Variants in PDE3A observed in about 807,000 individuals in gnomAD.
The protein encoded by PDE3A is phosphodiesterase 3A.
PDE3A carries 43 observed loss-of-function variants against 98.3 expected under a neutral mutation model. The observed-to-expected ratio is 0.44, with a 90% CI of 0.34 to 0.56. PDE3A has a LOEUF of 0.56. PDE3A is among the 20% of genes least tolerant of loss of function. The pLI is 0.01. For missense variants in PDE3A, 1,427 were observed against 1,440.7 expected, an observed-to-expected ratio of 0.99 and a Z score of 0.15; for synonymous variants, 663 against 567.9, an observed-to-expected ratio of 1.17 and a Z score of -2.38.
At chr12:20,385,844 C>T (rs912406502) in intron 1 of PDE3A, among the ~76,000 whole-genome samples, 19 of 147,898 alleles carry the variant, frequency 1.3e-4, no homozygotes, top group Non-Finnish European at 2.4e-4. Flanking sequence ...ATGTAAATGA[C>T]GAGTTAATGG....
intron 2 of PDE3A, among the ~76,000 whole-genome samples, chr12:20,569,480 A>G (rs1942743327): frequency 6.6e-6 from 1 of 152,172 alleles, no homozygotes; most frequent in African/African-American, 2.4e-5. Context: ...TCGCAGCAGA[A>G]TAGTTTTTGC....
intron 2 of PDE3A, among the ~76,000 whole-genome samples, chr12:20,559,057 G>A (rs1942444689): frequency 6.6e-6 from 1 of 152,258 alleles, no homozygotes; most frequent in Non-Finnish European, 1.5e-5. Context: ...CAATCTGATA[G>A]ACGCAACATT....
intron 1 of PDE3A, among the ~76,000 whole-genome samples, chr12:20,535,962 A>G (rs1267437942): frequency 6.6e-6 from 1 of 152,110 alleles, no homozygotes; most frequent in African/African-American, 2.4e-5. Flanking sequence ...CAAATCCAAA[A>G]ATGTTAGATA....
chr12:20,520,248 T>C (rs1420952955), intron 1 of PDE3A, among the ~76,000 whole-genome samples: 1 of 152,184 alleles, frequency 6.6e-6, no homozygotes, highest in African/African-American at 2.4e-5. Context: ...ACAAATACAC[T>C]GGACTTTTTT....
chr12:20,661,106 G>A (rs998983216), intron 15 of PDE3A, among the ~76,000 whole-genome samples: 1 of 152,194 alleles, frequency 6.6e-6, no homozygotes, highest in Non-Finnish European at 1.5e-5. Flanking sequence ...TGAGGAACTT[G>A]TCGAGAACTG....
intron 15 of PDE3A, among the ~76,000 whole-genome samples, chr12:20,675,480 G>A (rs562218285): frequency 4.6e-5 from 7 of 152,242 alleles, no homozygotes; most frequent in African/African-American, 1.7e-4. Flanking sequence ...CTGTCTAGAT[G>A]AGCTGTCTGG....
intron 15 of PDE3A, among the ~76,000 whole-genome samples, chr12:20,677,119 C>G (rs1180037739): frequency 6.6e-6 from 1 of 152,110 alleles, no homozygotes; most frequent in African/African-American, 2.4e-5. Context: ...TTGATATAGT[C>G]TATTGTTAAA....
At chr12:20,551,748 G>T in intron 1 of PDE3A, 2 of 1,611,138 alleles carry the variant, frequency 1.2e-6, no homozygotes, top group South Asian at 2.2e-5. Flanking sequence ...TGGTACTGGC[G>T]GGAGAGCGGC....
chr12:20,616,465 A>G (rs1357132051), intron 4 of PDE3A, 81 bp downstream of exon 4: 5 of 1,356,998 alleles, frequency 3.7e-6, no homozygotes, highest in Non-Finnish European at 4.1e-6. Context: ...AGGAGAAGGA[A>G]GGCTAACCAA....
intron 1 of PDE3A, among the ~76,000 whole-genome samples, chr12:20,465,034 G>T (rs1057179111): frequency 1.3e-5 from 2 of 152,074 alleles, no homozygotes; most frequent in African/African-American, 4.8e-5. Context: ...TAGCCGTTGT[G>T]CATAACTCCT....
Position 20,673,177 on chromosome 12 carries a change from A to G in PDE3A, c.3185-6853A>G, listed in dbSNP as rs544424157. On this transcript the variant is annotated intron_variant, in intron 15 of 15. Coordinates refer to ENST00000359062, the MANE Select transcript of PDE3A (RefSeq NM_000921.5). ...ACCATCTCACACCATTTAGAATGGC[A>G]ATCATTAAAAAGTCAGGAAACCACA... 3.3e-5 allele frequency among the ~76,000 whole-genome samples: 5 copies of G among 152,308 alleles called. No individual in the cohort carries two copies. The East Asian group carries it at 9.7e-4, about 29-fold the overall frequency.
Position 20,652,234 on chromosome 12 carries a change from T to A in PDE3A, c.2925+1634T>A, listed in dbSNP as rs538878298. Among the ~76,000 whole-genome samples the A allele has an allele frequency of 4.3e-4, 65 of 152,330 alleles. 1 individual carries two copies. The highest frequency in any genetic ancestry group is 4.2e-3 in the Admixed American group (64 of 15,302). ...AATAGTGCCTCAATAAACATACATG[T>A]GCATGTGTCTTTATAGCAGCATGAT... On this transcript the variant is annotated intron_variant, in intron 14 of 15. Transcript: ENST00000359062.
At chr12:20,491,579 C>A (rs1231003383) in intron 1 of PDE3A, among the ~76,000 whole-genome samples, 1 of 152,100 alleles carries the variant, frequency 6.6e-6, no homozygotes, top group Non-Finnish European at 1.5e-5. Context: ...ACTAGGGGGA[C>A]TTTTGACCTC....
intron 1 of PDE3A, among the ~76,000 whole-genome samples, chr12:20,387,421 C>G (rs914824067): frequency 2.0e-5 from 3 of 151,932 alleles, no homozygotes; most frequent in Admixed American, 1.3e-4. Flanking sequence ...GAATGTTTTT[C>G]CATTTGTTTG....
intron 2 of PDE3A, among the ~76,000 whole-genome samples, chr12:20,586,624 G>A (rs1236508265): frequency 6.6e-6 from 1 of 152,190 alleles, no homozygotes; most frequent in Non-Finnish European, 1.5e-5. Context: ...GGAACTCAGA[G>A]CTATGTGAAA....
chr12:20,456,990 C>T (rs533852813), intron 1 of PDE3A, among the ~76,000 whole-genome samples: 4 of 152,176 alleles, frequency 2.6e-5, no homozygotes, highest in Non-Finnish European at 4.4e-5. Flanking sequence ...AGCCTCCTTC[C>T]GGGAAATCCC....
chr12:20,552,359 G>C lies in PDE3A; in HGVS notation c.961-4301G>C. The C allele has an allele frequency of 6.2e-7, 1 of 1,613,848 alleles. No individual in the cohort carries two copies. The highest frequency in any genetic ancestry group is 2.2e-5 in the East Asian group (1 of 44,850). On this transcript the variant is annotated intron_variant, in intron 1 of 15. Transcript: ENST00000359062. The surrounding 1 kb of genome is among the most constrained non-coding windows in gnomAD (Gnocchi z 5.1). ...GGGAAGTCCGGGTTTCTCGTGTGGC[G>C]CTACCTTCTGCGGAGGGACGATGAT...
chr12:20,621,153 T>A, intron 4 of PDE3A, 143 bp from the exon 5 acceptor site: 1 of 613,786 alleles, frequency 1.6e-6, no homozygotes, highest in Non-Finnish European at 2.9e-6. Flanking sequence ...GGAAGTACAG[T>A]GGTTCTGTCA....
At chr12:20,441,946 C>G (rs1247280681) in intron 1 of PDE3A, among the ~76,000 whole-genome samples, 1 of 152,174 alleles carries the variant, frequency 6.6e-6, no homozygotes, top group Non-Finnish European at 1.5e-5. Context: ...TCATTTGTAA[C>G]TACTTTCCTT....
Sources: allele counts gnomAD v4.1 joint callset (sites outside exome capture counted in the v4.1 genomes callset), GRCh38; gene constraint gnomAD v4.1.1; non-coding constraint Gnocchi (gnomAD v3.1); transcripts MANE v1.5; gene names NCBI Gene and HGNC (gene_info 2026-07-23, HGNC 2026-07-21).